The following CFAP46 variants were observed in gnomAD, a reference collection of about 807,000 sequenced individuals.
The protein encoded by CFAP46 is cilia and flagella associated protein 46, also known as cilia- and flagella-associated protein 46.
Under a neutral mutation model 325.7 loss-of-function variants are expected in CFAP46, and 245 were observed. The ratio of observed to expected loss-of-function variants is 0.75; its 90% CI spans 0.68 to 0.84. The LOEUF is 0.84. Among genes scored for constraint, CFAP46 ranks in the 40% least tolerant of loss-of-function variants. The pLI is 0.00. For missense variants in CFAP46, 3,346 were observed against 3,543.0 expected (o/e 0.94, Z 1.41); for synonymous variants, 1,523 against 1,495.9 (o/e 1.02, Z -0.42).
chr10:132,917,584 T>C (rs888997191), intron 16 of CFAP46, among the ~76,000 whole-genome samples: 2 of 152,212 alleles, frequency 1.3e-5, no homozygotes, highest in African/African-American at 4.8e-5. Context: ...CGAGTGGCGG[T>C]TGCCGTGTGT....
At chr10:132,937,171 C>T (rs1262517307) in intron 6 of CFAP46, 116 bp from the exon 7 acceptor site, 1 of 589,412 alleles carries the variant, frequency 1.7e-6, no homozygotes, top group Admixed American at 3.7e-5. Context: ...TCAGATACAA[C>T]TTAAGCTGAT....
At chr10:132,905,085 C>T (rs1849438221) in intron 22 of CFAP46, among the ~76,000 whole-genome samples, 2 of 152,218 alleles carry the variant, frequency 1.3e-5, no homozygotes, top group African/African-American at 4.8e-5. Flanking sequence ...TCCTGCTCTA[C>T]CAGCATATGT....
chr10:132,816,895 T>C (rs1847706465), intron 50 of CFAP46, among the ~76,000 whole-genome samples: 2 of 152,212 alleles, frequency 1.3e-5, no homozygotes, highest in African/African-American at 4.8e-5. Flanking sequence ...TGGCCTCAGA[T>C]GCGGGCCGTC....
intron 31 of CFAP46, among the ~76,000 whole-genome samples, chr10:132,875,217 G>A (rs925689833): frequency 6.6e-6 from 1 of 150,688 alleles, no homozygotes; most frequent in African/African-American, 2.5e-5. Flanking sequence ...GAAAACTCTG[G>A]TCTATTGTTA....
chr10:132,926,109 G>C (rs905328003), intron 10 of CFAP46, among the ~76,000 whole-genome samples: 2 of 152,386 alleles, frequency 1.3e-5, no homozygotes, highest in Middle Eastern at 6.8e-3. Context: ...CAGCAGGACA[G>C]AGGTGGGTCA....
intron 35 of CFAP46, among the ~76,000 whole-genome samples, chr10:132,863,765 GTGCCTGAGACCTGCACACACCTGTCCCCC>G (rs1848758301): frequency 8.9e-6 from 1 of 112,406 alleles, no homozygotes; most frequent in Non-Finnish European, 1.8e-5. Flanking sequence ...CCTGTTCTCA[GTGCCTGAGACCTGCACACACCTGTCCCCC>G]TGCCTGAGAC....
intron 19 of CFAP46, among the ~76,000 whole-genome samples, chr10:132,911,828 C>A (rs541294309): frequency 6.6e-6 from 1 of 151,988 alleles, no homozygotes; most frequent in African/African-American, 2.4e-5. Flanking sequence ...TCCAATCCGC[C>A]GTTTCTGGTT....
chr10:132,926,682 G>C lies in CFAP46; in HGVS notation c.967-16C>G. On this transcript the variant is annotated splice_polypyrimidine_tract_variant and intron_variant, in intron 9 of 57. Transcript: ENST00000368586. ...TCCCAGGATCCTGCAGATATAAACA[G>C]TTTTTGAAAAGATGGAGATCTGTAA... 1.3e-6 allele frequency: 2 copies of C among 1,524,002 alleles called. No individual in the cohort carries two copies. The highest frequency in any genetic ancestry group is 1.8e-6 in the Non-Finnish European group (2 of 1,135,668). 94.4% of individuals were successfully genotyped at this position (1,524,002 alleles called of 1,614,324 possible). A position where few individuals can be genotyped will look rare whatever the true frequency, so the allele number is the denominator to read the frequency against.
chr10:132,911,965 C>G (rs1169775806), intron 19 of CFAP46, among the ~76,000 whole-genome samples: 2 of 152,098 alleles, frequency 1.3e-5, no homozygotes, highest in Non-Finnish European at 2.9e-5. Context: ...TGACGTTTTA[C>G]TTCCTAGATT....
chr10:132,921,945 ACCCGGCGGG>A (rs1018736406), intron 13 of CFAP46, among the ~76,000 whole-genome samples, 150 bp downstream of exon 13: 4 of 152,182 alleles, frequency 2.6e-5, no homozygotes, highest in African/African-American at 7.2e-5. Context: ...GCTTTGCCAG[ACCCGGCGGG>A]CCGAGATCGA....
chr10:132,835,258 G>A (rs763324335), intron 47 of CFAP46, 46 bp downstream of exon 47: 2 of 1,601,596 alleles, frequency 1.2e-6, no homozygotes, highest in Non-Finnish European at 1.7e-6. Flanking sequence ...CAGGGGTGGG[G>A]AGCAGAGGGT....
chr10:132,876,722 C>G lies in CFAP46; in HGVS notation c.4362+90G>C, dbSNP rs1375246283. Reference sequence around the variant, plus strand: ...TGTCCTGTCCTCCTTTTTCTGGCTACAGTTCACAGTGAAAACTGGACTTGG... The same window carrying G: ...TGTCCTGTCCTCCTTTTTCTGGCTAGAGTTCACAGTGAAAACTGGACTTGG... On this transcript the variant is annotated intron_variant, in intron 31 of 57. Transcript: ENST00000368586. The surrounding 1 kb of genome is among the most constrained non-coding windows in gnomAD (Gnocchi z 4.1). 2.2e-6 allele frequency: 3 copies of G among 1,343,194 alleles called. No homozygotes were observed. Among genetic ancestry groups the G allele is most frequent in the Non-Finnish European group, 2.0e-6 (2 of 996,924 alleles). 83.2% of individuals were successfully genotyped at this position (1,343,194 alleles called of 1,614,324 possible).
chr10:132,924,725 GC>G lies in CFAP46; in HGVS notation c.1226del (p.Gly409AlafsTer13). 6.5e-7 allele frequency: 1 copy of G among 1,538,950 alleles called. No homozygotes were observed. On this transcript the variant is annotated frameshift_variant, in exon 11 of 58. Transcript: ENST00000368586. LOFTEE classifies it high-confidence loss of function. Reference protein sequence around the residue: ...LRHHLRKPLAGVADVLEKLDS... With the variant: ...LRHHLRKPLAXVADVLEKLDS... ...CCAGCTTCTCCAGCACGTCCGCAACGCCAGCCAGGGGCTTCCGCAGGTGGTG... is the reference window on the plus strand; with the variant it reads ...CCAGCTTCTCCAGCACGTCCGCAACGCAGCCAGGGGCTTCCGCAGGTGGTG...
chr10:132,898,970 C>A lies in CFAP46; in HGVS notation c.3208G>T (p.Ala1070Ser). The change falls in exon 24 of 58, where the codon GCC becomes TCC. Residue 1070 changes from alanine (A) to serine (S), a missense_variant. Coordinates refer to ENST00000368586, the MANE Select transcript of CFAP46 (RefSeq NM_001200049.3). ...RLIGIINKTEARKQEKGKTLL... is the reference protein window; with the variant it reads ...RLIGIINKTESRKQEKGKTLL... ...CAGGGCTGGTGCACCTGCTTTCTGG[C>A]CTCTGTCTTGTTGATGATGCCGATG... 1 of 1,550,576 alleles carries A rather than the reference C, an allele frequency of 6.4e-7. No individual in the cohort carries two copies. The highest frequency in any genetic ancestry group is 2.4e-5 in the East Asian group (1 of 40,910).
intron 11 of CFAP46, among the ~76,000 whole-genome samples, chr10:132,924,478 G>A (rs976434805): frequency 2.0e-5 from 3 of 152,216 alleles, no homozygotes; most frequent in Non-Finnish European, 4.4e-5. Context: ...GTGAGGCAAG[G>A]CCGAGCCTGC....
At chr10:132,902,156 A>C (rs1849399562) in intron 22 of CFAP46, among the ~76,000 whole-genome samples, 1 of 151,974 alleles carries the variant, frequency 6.6e-6, no homozygotes. Flanking sequence ...AACTTGTAAA[A>C]TTTTCAGCCA....
In CFAP46 at chr10:132,889,844, G is replaced by A. The variant is rs778363328; in HGVS notation, c.3304+2489C>T. On this transcript the variant is annotated intron_variant, in intron 25 of 57. Transcript: ENST00000368586. This position sits in a 1 kb window ranked among gnomAD's most constrained non-coding sequence, Gnocchi z 6.0. ...CCTCGTGTTTCCACAGCACAGCATGGCCGTCCCGCCTGATTAAAGTATTGA... is the reference window on the plus strand; with the variant it reads ...CCTCGTGTTTCCACAGCACAGCATGACCGTCCCGCCTGATTAAAGTATTGA... Among the ~76,000 whole-genome samples, 24 of 152,194 alleles carry A rather than the reference G, an allele frequency of 1.6e-4. No individual in the cohort carries two copies. The highest frequency in any genetic ancestry group is 7.3e-5 in the Non-Finnish European group (5 of 68,032).
At chr10:132,872,419 A>G in intron 32 of CFAP46, 1 of 429,362 alleles carries the variant, frequency 2.3e-6, no homozygotes, top group South Asian at 2.1e-5. Flanking sequence ...ATACCTGGCT[A>G]ATATATTTTT....
At position 132,907,051 on chromosome 10, in the gene CFAP46, T is replaced by A. The variant is rs182717146; in HGVS notation, c.2924+1417A>T. Among the ~76,000 whole-genome samples the A allele has an allele frequency of 1.4e-3, 206 of 152,362 alleles. 1 individual carries two copies. The highest frequency in any genetic ancestry group is 4.9e-3 in the African/African-American group (204 of 41,592). On this transcript the variant is annotated intron_variant, in intron 22 of 57. Coordinates refer to ENST00000368586, the MANE Select transcript of CFAP46 (RefSeq NM_001200049.3). Reference sequence around the variant, plus strand: ...GGCACGTTCCTATGTTGGCCTCGCATCCCCACGGGTGTGGCCGACACAGGC... The same window carrying A: ...GGCACGTTCCTATGTTGGCCTCGCAACCCCACGGGTGTGGCCGACACAGGC...
Sources: allele counts gnomAD v4.1 joint callset (sites outside exome capture counted in the v4.1 genomes callset), GRCh38; gene constraint gnomAD v4.1.1; non-coding constraint Gnocchi (gnomAD v3.1); transcripts MANE v1.5; gene names NCBI Gene and HGNC (gene_info 2026-07-23, HGNC 2026-07-21).